POFUT2: variants seen among roughly 807,000 people sequenced by gnomAD.
POFUT2 encodes protein O-fucosyltransferase 2.
POFUT2 carries 30 observed loss-of-function variants against 55.0 expected under a neutral mutation model. The ratio of observed to expected loss-of-function variants is 0.55; its 90% confidence interval spans 0.41 to 0.74. The LOEUF is 0.74. Ranked by LOEUF, POFUT2 falls within the 30% of genes least tolerant of loss-of-function variation. The probability of loss-of-function intolerance (pLI) is 0.00; values close to 1 mark genes in which losing one functional copy is unlikely to be tolerated. For missense variants in POFUT2, 524 were observed against 562.6 expected, an observed-to-expected ratio of 0.93 and a Z score of 0.69; for synonymous variants, 267 against 231.1, an observed-to-expected ratio of 1.16 and a Z score of -1.41.
At position 45,282,434 on chromosome 21, in the gene POFUT2, T is replaced by C. The variant is rs1327053828; in HGVS notation, c.553A>G (p.Thr185Ala). The change falls in exon 4 of 9, where the codon ACC becomes GCC. Residue 185 changes from threonine (T) to alanine (A), a missense_variant. Thr to Ala is a moderately conservative substitution (Grantham distance 58, BLOSUM62 0). Coordinates refer to ENST00000349485, the MANE Select transcript of POFUT2 (RefSeq NM_133635.6). The surrounding 1 kb of genome is among the most constrained non-coding windows in gnomAD (Gnocchi z 4.6). ...AGACAGGAGACGTTTAGACCCCTGG[T>C]CTCCTCATAACCCCAAAACCATCCT... ...YRGWFWGYEE[T>A]RGLNVSCLSV... The C allele has an allele frequency of 1.2e-6, 2 of 1,611,104 alleles. No individual in the cohort carries two copies. The highest frequency in any genetic ancestry group is 1.3e-5 in the African/African-American group (1 of 74,842).
chr21:45,283,591 A>G (rs2031028931), intron 2 of POFUT2, 64 bp from the exon 3 acceptor site: 3 of 1,545,446 alleles, frequency 1.9e-6, no homozygotes, highest in Non-Finnish European at 1.8e-6. Context: ...ACGGGCATGC[A>G]TCAGTCACCA....
chr21:45,280,628 C>T (rs1172841268), intron 4 of POFUT2, among the ~76,000 whole-genome samples: 1 of 152,216 alleles, frequency 6.6e-6, no homozygotes, highest in African/African-American at 2.4e-5. Context: ...TGTCCTTACT[C>T]CTGAATCGCA....
chr21:45,279,628 A>G (rs2030348869), intron 4 of POFUT2, among the ~76,000 whole-genome samples: 1 of 152,152 alleles, frequency 6.6e-6, no homozygotes, highest in African/African-American at 2.4e-5. Context: ...CCAGCCGTGC[A>G]CGGCCACTGC....
At chr21:45,278,851 C>T (rs974081936) in intron 4 of POFUT2, among the ~76,000 whole-genome samples, 11 of 152,206 alleles carry the variant, frequency 7.2e-5, no homozygotes, top group African/African-American at 2.2e-4. Context: ...TCCTCAGTGC[C>T]TTCCTTGCTC....
In POFUT2 at chr21:45,282,569, T is replaced by C; in HGVS notation, c.528-110A>G. ...TGGCTTGCTCCTGATGAAACGCGGC[T>C]GCTTTAGGAAAACTTACTGATCGTG... On this transcript the variant is annotated intron_variant, in intron 3 of 8. Coordinates refer to ENST00000349485, the MANE Select transcript of POFUT2 (RefSeq NM_133635.6). The surrounding 1 kb of genome is among the most constrained non-coding windows in gnomAD (Gnocchi z 4.6). The C allele has an allele frequency of 1.4e-6, 1 of 706,168 alleles. No individual in the cohort carries two copies. Among genetic ancestry groups the C allele is most frequent in the Admixed American group, 2.4e-5 (1 of 41,040 alleles). The allele number at this position is 706,168 out of a possible 1,614,324, so 43.7% of individuals were successfully genotyped here. A position where few individuals can be genotyped will look rare whatever the true frequency, so the allele number is the denominator to read the frequency against.
Position 45,269,940 on chromosome 21 carries a change from T to C in POFUT2, c.911A>G (p.Gln304Arg), listed in dbSNP as rs924377911. Residue 304 changes from glutamine (Q) to arginine (R), a missense_variant, in exon 7 of 9, where the codon CAG becomes CGG. Gln to Arg is a conservative substitution (Grantham distance 43). Coordinates refer to ENST00000349485, the MANE Select transcript of POFUT2 (RefSeq NM_133635.6). ...GGCCCCTTCCAGACTGGGTACATCC[T>C]GTCTGTGACCCCAGATGAAATCTTT... ...RRKDFIWGHR[Q>R]DVPSLEGAVR... 2 of 1,603,868 alleles carry C rather than the reference T, an allele frequency of 1.2e-6. No individual in the cohort carries two copies. The highest frequency in any genetic ancestry group is 8.5e-7 in the Non-Finnish European group (1 of 1,176,622).
Position 45,269,817 on chromosome 21 carries a change from C to T in POFUT2, c.1012+22G>A, listed in dbSNP as rs199795280. 1.7e-4 allele frequency: 271 copies of T among 1,579,228 alleles called. 1 individual carries two copies. The African/African-American group carries it at 3.0e-3, about 17-fold the overall frequency. On this transcript the variant is annotated intron_variant, in intron 7 of 8. Coordinates refer to ENST00000349485, the MANE Select transcript of POFUT2 (RefSeq NM_133635.6). ...AATAAATTAAAAGAAAGGAAAGAAA[C>T]GAAAGCATTGAAGCTCCATACCCTT... is the stretch of plus-strand genomic sequence containing the variant.
At position 45,285,976 on chromosome 21, in the gene POFUT2, G is replaced by C. The variant is rs764447862; in HGVS notation, c.132-48C>G. On this transcript the variant is annotated intron_variant, in intron 1 of 8. Coordinates refer to ENST00000349485, the MANE Select transcript of POFUT2 (RefSeq NM_133635.6). The surrounding 1 kb of genome is among the most constrained non-coding windows in gnomAD (Gnocchi z 4.9). The stretch of plus-strand genomic sequence containing the variant: ...ACAGGTCTCAAATGCTGAGGTTTCT[G>C]CACGGAAAACCCGACTGCTCACAAG... 9 of 1,545,984 alleles carry C rather than the reference G, an allele frequency of 5.8e-6. No individual in the cohort carries two copies. Among genetic ancestry groups the C allele is most frequent in the South Asian group, 3.6e-5 (3 of 84,296 alleles).
rs1041165537 is a variant in POFUT2, at chr21:45,276,060, G to A, written c.831+957C>T. On this transcript the variant is annotated intron_variant, in intron 6 of 8. Transcript: ENST00000349485. ...AAAAATTAGCCGGGTGCGGTGGCACGCGCCTGTGATCCCAGCTACTCGGGA... is the reference window on the plus strand; with the variant it reads ...AAAAATTAGCCGGGTGCGGTGGCACACGCCTGTGATCCCAGCTACTCGGGA... Among the ~76,000 whole-genome samples the A allele has an allele frequency of 5.9e-5, 9 of 152,148 alleles. 1 individual carries two copies. The highest frequency in any genetic ancestry group is 6.8e-3 in the Middle Eastern group (2 of 294).
chr21:45,283,761 C>T (rs1352253095), intron 2 of POFUT2, among the ~76,000 whole-genome samples: 3 of 152,170 alleles, frequency 2.0e-5, no homozygotes, highest in East Asian at 1.9e-4. Flanking sequence ...CCCGATTCCC[C>T]GGCCCTACCC....
rs573107162 is a variant in POFUT2 at position 45,265,769 on chromosome 21, G to A, written c.1137-134C>T. 3,545 of 1,443,970 alleles carry A rather than the reference G, an allele frequency of 2.5e-3. 8 individuals carry two copies. The highest frequency in any genetic ancestry group is 2.9e-3 in the Non-Finnish European group (3,251 of 1,103,336). The allele number at this position is 1,443,970 out of a possible 1,614,324, so 89.4% of individuals were successfully genotyped here. A position where few individuals can be genotyped will look rare whatever the true frequency, so the allele number is the denominator to read the frequency against. ...CATGGAACCAACACGGCCGTCCCCC[G>A]AGCACCCACCAGCCGGCCGCCCCCT... is the stretch of plus-strand genomic sequence containing the variant. On this transcript the variant is annotated intron_variant, in intron 8 of 8. Transcript: ENST00000349485. The surrounding 1 kb of genome is among the most constrained non-coding windows in gnomAD (Gnocchi z 4.6).
rs1165887863 is a variant in POFUT2 at position 45,278,181 on chromosome 21, C to T, written c.639-12G>A. On this transcript the variant is annotated splice_polypyrimidine_tract_variant and intron_variant, in intron 4 of 8. Transcript: ENST00000349485. ...CTAACATCACGGACCTGTTTTTAAA[C>T]AACAGAAGAATAAACAGTTATAAGA... 5 of 1,604,482 alleles carry T rather than the reference C, an allele frequency of 3.1e-6. No individual in the cohort carries two copies. Among genetic ancestry groups the T allele is most frequent in the Non-Finnish European group, 4.3e-6 (5 of 1,171,436 alleles).
chr21:45,284,193 AGGAACAAAGCG>A lies in POFUT2; in HGVS notation c.383-677_383-667del, dbSNP rs951285821. On this transcript the variant is annotated intron_variant, in intron 2 of 8. Coordinates refer to ENST00000349485, the MANE Select transcript of POFUT2 (RefSeq NM_133635.6). The surrounding 1 kb of genome is among the most constrained non-coding windows in gnomAD (Gnocchi z 5.8). ...CACCGCGCAGGTGAAATTCTGGGGC[AGGAACAAAGCG>A]GGAGGGAGCATCGCGCAGGTGAAGT... is the stretch of plus-strand genomic sequence containing the variant. Among the ~76,000 whole-genome samples, 2 of 151,644 alleles carry A rather than the reference AGGAACAAAGCG, an allele frequency of 1.3e-5. No individual in the cohort carries two copies. The highest frequency in any genetic ancestry group is 2.4e-5 in the African/African-American group (1 of 41,276).
Position 45,287,751 on chromosome 21 carries a change from A to G in POFUT2, c.121T>C (p.Ser41Pro). 7.3e-7 allele frequency: 1 copy of G among 1,368,262 alleles called. No homozygotes were observed. The highest frequency in any genetic ancestry group is 9.6e-7 in the Non-Finnish European group (1 of 1,047,090). The allele number at this position is 1,368,262 out of a possible 1,614,324, so 84.8% of individuals were successfully genotyped here. Residue 41 changes from serine (S) to proline (P), a missense_variant, in exon 1 of 9, where the codon TCC (serine) becomes CCC (proline). Transcript: ENST00000349485. The part of the protein sequence containing the change: ...SAADILSGAA[S>P]RRRYLLYDVN... ...TGGACGCGCGTTTACCGTCTGCGGGAAGCCGCCCCCGACAGAATATCGGCC... is the reference window on the plus strand; with the variant it reads ...TGGACGCGCGTTTACCGTCTGCGGGGAGCCGCCCCCGACAGAATATCGGCC...
chr21:45,266,355 G>A lies in POFUT2; in HGVS notation c.1137-720C>T, dbSNP rs561407909. On this transcript the variant is annotated intron_variant, in intron 8 of 8. Coordinates refer to ENST00000349485, the MANE Select transcript of POFUT2 (RefSeq NM_133635.6). ...CTGCTGCGGGGTGCAGCACTGGTGG[G>A]GAGACCCTCACCACCCCACACACAG... 2.3e-6 allele frequency: 3 copies of A among 1,316,694 alleles called. No individual in the cohort carries two copies. The South Asian group carries it at 3.6e-5, about 16-fold the overall frequency. 81.6% of individuals were successfully genotyped at this position (1,316,694 alleles called of 1,614,324 possible).
At chr21:45,280,298 T>G (rs1174809730) in intron 4 of POFUT2, among the ~76,000 whole-genome samples, 2 of 152,244 alleles carry the variant, frequency 1.3e-5, no homozygotes, top group Non-Finnish European at 2.9e-5. Context: ...TTTTTCTTTT[T>G]TTTTACTGGG....
rs1286469577 is a variant in POFUT2, at chr21:45,285,197, TAAG to T, written c.382+478_382+480del. 2.2e-5 allele frequency: 4 copies of T among 185,586 alleles called. No individual in the cohort carries two copies. Among genetic ancestry groups the T allele is most frequent in the African/African-American group, 7.1e-5 (3 of 42,336 alleles). The allele number at this position is 185,586 out of a possible 1,614,324, so 11.5% of individuals were successfully genotyped here. ...CAAAAAGCTCTAAATACCTTCATTC[TAAG>T]AAGAGCTTTAATTCTTCTCTTAAAA... On this transcript the variant is annotated intron_variant, in intron 2 of 8. Coordinates refer to ENST00000349485, the MANE Select transcript of POFUT2 (RefSeq NM_133635.6). This position sits in a 1 kb window ranked among gnomAD's most constrained non-coding sequence, Gnocchi z 4.9.
intron 1 of POFUT2, among the ~76,000 whole-genome samples, chr21:45,287,524 C>A: frequency 9.7e-6 from 1 of 102,932 alleles, no homozygotes; most frequent in African/African-American, 4.1e-5. Context: ...TTCCCCTGAC[C>A]CCTGCCCCCT....
intron 1 of POFUT2, among the ~76,000 whole-genome samples, chr21:45,286,965 CA>C (rs2031482644): frequency 6.6e-6 from 1 of 152,196 alleles, no homozygotes; most frequent in African/African-American, 2.4e-5. Context: ...CGGCTCCGCA[CA>C]CCCAGGCCTG....
Sources: gnomAD v4.1 joint callset for allele counts (sites outside exome capture counted in the v4.1 genomes callset) on GRCh38, gnomAD v4.1.1 for gene constraint, Gnocchi (gnomAD v3.1) non-coding constraint, MANE v1.5 for transcripts, NCBI Gene and HGNC (gene_info 2026-07-23, HGNC 2026-07-21) for gene names.